Variants in NRXN1 observed in about 807,000 individuals in gnomAD.
NRXN1 encodes neurexin-1.
In NRXN1, 39 loss-of-function variants were observed where a neutral mutation model predicts 150.9. That is an observed-to-expected ratio of 0.26 (90% confidence interval 0.20 to 0.34). The LOEUF is 0.34. Ranked by LOEUF, NRXN1 falls within the 10% of genes least tolerant of loss-of-function variation. The pLI is 1.00. For synonymous variants in NRXN1, 924 were observed against 757.0 expected (o/e 1.22, Z -3.62); for missense variants, 1,815 against 1,949.9 (o/e 0.93, Z 1.30).
At chr2:50,575,575 G>C (rs1671319324) in intron 8 of NRXN1, among the ~76,000 whole-genome samples, 1 of 152,130 alleles carries the variant, frequency 6.6e-6, no homozygotes, top group South Asian at 2.1e-4. Flanking sequence ...AATTTTATTA[G>C]ATAAAAGGAT....
intron 21 of NRXN1, among the ~76,000 whole-genome samples, chr2:49,965,061 G>T (rs1358152372): frequency 1.3e-5 from 2 of 151,684 alleles, no homozygotes; most frequent in East Asian, 2.0e-4. Flanking sequence ...TGTATTTTTG[G>T]TAGAGACAGG....
At chr2:49,926,701 A>AT (rs1310399666) in intron 22 of NRXN1, among the ~76,000 whole-genome samples, 1 of 152,348 alleles carries the variant, frequency 6.6e-6, no homozygotes, top group South Asian at 2.1e-4. Flanking sequence ...TGAGATAGTT[A>AT]TTTTAAACAA....
intron 8 of NRXN1, among the ~76,000 whole-genome samples, chr2:50,572,206 G>A (rs1219968686): frequency 6.6e-6 from 1 of 152,096 alleles, no homozygotes; most frequent in Non-Finnish European, 1.5e-5. Flanking sequence ...TGTCCTGAAG[G>A]GCATGCACAT....
intron 9 of NRXN1, among the ~76,000 whole-genome samples, chr2:50,540,892 C>T (rs1332737706): frequency 6.6e-6 from 1 of 152,096 alleles, no homozygotes; most frequent in Non-Finnish European, 1.5e-5. Context: ...GAATTCATGG[C>T]CTCAAGTGAT....
chr2:50,723,842 T>C (rs949069432), intron 5 of NRXN1, among the ~76,000 whole-genome samples: 4 of 152,130 alleles, frequency 2.6e-5, no homozygotes, highest in African/African-American at 9.7e-5. Context: ...TGTTTTCGGG[T>C]TTGTTTGTGT....
chr2:50,539,218 T>C (rs769234284), intron 9 of NRXN1, among the ~76,000 whole-genome samples: 39 of 152,208 alleles, frequency 2.6e-4, no homozygotes, highest in African/African-American at 9.2e-4. Flanking sequence ...ACCTACCTTA[T>C]AGAGTTGCTC....
intron 13 of NRXN1, among the ~76,000 whole-genome samples, chr2:50,503,977 A>G (rs865966372): frequency 2.6e-5 from 4 of 152,252 alleles, no homozygotes; most frequent in South Asian, 4.1e-4. Context: ...AATGTAAAAT[A>G]TACATTCAGT....
chr2:50,217,233 T>TA (rs1159317875), intron 18 of NRXN1, among the ~76,000 whole-genome samples: 7 of 152,058 alleles, frequency 4.6e-5, no homozygotes, highest in African/African-American at 1.7e-4. Context: ...TTTTACATAA[T>TA]AAAATTTGCT....
At chr2:50,544,288 T>C (rs900718435) in intron 9 of NRXN1, among the ~76,000 whole-genome samples, 6 of 152,154 alleles carry the variant, frequency 3.9e-5, no homozygotes, top group African/African-American at 1.2e-4. Context: ...ATGTAAAATA[T>C]ATAATTATCA....
chr2:50,279,467 C>A (rs2071108895), intron 17 of NRXN1, among the ~76,000 whole-genome samples: 3 of 152,072 alleles, frequency 2.0e-5, no homozygotes, highest in Admixed American at 2.0e-4. Context: ...TGCATTTGGC[C>A]TCCTTTTTCA....
intron 5 of NRXN1, among the ~76,000 whole-genome samples, chr2:50,819,331 T>C (rs77936569): frequency 0.048 from 7,241 of 152,252 alleles, 333 homozygotes; most frequent in East Asian, 0.15. Flanking sequence ...GTACATACAA[T>C]GAAATATTAT....
At chr2:50,197,537 A>G (rs551392101) in intron 18 of NRXN1, among the ~76,000 whole-genome samples, 1 of 152,144 alleles carries the variant, frequency 6.6e-6, no homozygotes, top group African/African-American at 2.4e-5. Flanking sequence ...TTCCCCTTTT[A>G]CACTATTATA....
chr2:50,547,761 G>T (rs2093527871), intron 9 of NRXN1, among the ~76,000 whole-genome samples: 1 of 152,096 alleles, frequency 6.6e-6, no homozygotes, highest in African/African-American at 2.4e-5. Context: ...TTTCTCCTTT[G>T]CTAGCTTACT....
chr2:50,991,667 A>T (rs913549919), intron 2 of NRXN1, among the ~76,000 whole-genome samples: 1 of 152,170 alleles, frequency 6.6e-6, no homozygotes, highest in East Asian at 1.9e-4. Flanking sequence ...AAAAACATGG[A>T]AAATAGAACC....
chr2:50,089,881 G>C (rs1699332887), intron 19 of NRXN1, among the ~76,000 whole-genome samples: 1 of 152,170 alleles, frequency 6.6e-6, no homozygotes, highest in Non-Finnish European at 1.5e-5. Flanking sequence ...GGGATTAGCA[G>C]GGGCTATGTA....
intron 2 of NRXN1, among the ~76,000 whole-genome samples, chr2:50,941,351 C>A (rs1476575852): frequency 6.6e-6 from 1 of 152,084 alleles, no homozygotes; most frequent in Non-Finnish European, 1.5e-5. Context: ...AACTTTGGAA[C>A]TGGGTAACGG....
chr2:50,244,793 T>C (rs1055850304), intron 17 of NRXN1, among the ~76,000 whole-genome samples: 1 of 151,896 alleles, frequency 6.6e-6, no homozygotes, highest in Admixed American at 6.6e-5. Flanking sequence ...GACAAATGTA[T>C]GAATATTTGT....
At chr2:50,905,084 G>C (rs768994808) in intron 5 of NRXN1, among the ~76,000 whole-genome samples, 2 of 151,924 alleles carry the variant, frequency 1.3e-5, no homozygotes, top group Non-Finnish European at 2.9e-5. Context: ...CTCATGTTTG[G>C]TCCTTTCCTT....
intron 4 of NRXN1, 119 bp downstream of exon 4, chr2:50,922,539 A>T: frequency 1.1e-6 from 1 of 914,340 alleles, no homozygotes; most frequent in Non-Finnish European, 1.8e-6. Context: ...AAAGATATGT[A>T]TTTAATTTGC....
Sources: gnomAD v4.1 joint callset for allele counts (sites outside exome capture counted in the v4.1 genomes callset) on GRCh38, gnomAD v4.1.1 for gene constraint, MANE v1.5 for transcripts, NCBI Gene and HGNC (gene_info 2026-07-23, HGNC 2026-07-21) for gene names.